TENM4: variants seen among roughly 807,000 people sequenced by gnomAD.
TENM4 encodes the protein teneurin-4.
A neutral mutation model predicts 243.3 loss-of-function variants in TENM4; 82 were observed. The ratio of observed to expected loss-of-function variants is 0.34; its 90% confidence interval spans 0.28 to 0.40. The LOEUF (loss-of-function observed/expected upper bound fraction) is 0.40. TENM4 is among the 10% of genes least tolerant of loss of function. The pLI, the probability that TENM4 is intolerant of heterozygous loss-of-function variation, is 1.00. For missense variants in TENM4, 3,138 were observed against 3,673.3 expected (o/e 0.85, Z 3.77); for synonymous variants, 1,412 against 1,456.3 (o/e 0.97, Z 0.69).
chr11:79,095,368 C>G (rs1011653457), intron 4 of TENM4, among the ~76,000 whole-genome samples: 4 of 152,192 alleles, frequency 2.6e-5, no homozygotes, highest in Admixed American at 2.6e-4. Context: ...GCACAGTACC[C>G]CACACTTAGC....
chr11:79,073,602 T>C (rs1202106633), intron 4 of TENM4, among the ~76,000 whole-genome samples: 2 of 152,180 alleles, frequency 1.3e-5, no homozygotes, highest in African/African-American at 4.8e-5. Flanking sequence ...ATTAGAGGCG[T>C]TGCTCACATG....
intron 6 of TENM4, among the ~76,000 whole-genome samples, chr11:79,023,150 C>A (rs1347418955): frequency 6.6e-6 from 1 of 152,168 alleles, no homozygotes; most frequent in Non-Finnish European, 1.5e-5. Context: ...TGAATGTTTA[C>A]TTGGTCTCAG....
At chr11:79,287,179 G>C (rs1454282510) in intron 2 of TENM4, among the ~76,000 whole-genome samples, 6 of 152,350 alleles carry the variant, frequency 3.9e-5, no homozygotes, top group African/African-American at 1.2e-4. Context: ...AAGTCTTGGA[G>C]GGATCATGAG....
chr11:79,061,126 G>A (rs1173508725), intron 6 of TENM4, among the ~76,000 whole-genome samples: 1 of 152,204 alleles, frequency 6.6e-6, no homozygotes, highest in African/African-American at 2.4e-5. Context: ...TAATCTCTCT[G>A]TGCCTCAGTT....
intron 6 of TENM4, among the ~76,000 whole-genome samples, chr11:78,917,666 T>C (rs1565125033): frequency 6.6e-6 from 1 of 152,206 alleles, no homozygotes; most frequent in Non-Finnish European, 1.5e-5. Context: ...ATACCAATGA[T>C]GGCCTCAAAA....
intron 3 of TENM4, among the ~76,000 whole-genome samples, chr11:79,176,504 T>C (rs1291332216): frequency 6.6e-6 from 1 of 152,208 alleles, no homozygotes; most frequent in Non-Finnish European, 1.5e-5. Context: ...CACCATCTTC[T>C]GAGAGAAACT....
At position 79,008,931 on chromosome 11, in the gene TENM4, T is replaced by C. The variant is rs115721243; in HGVS notation, c.493+55807A>G. On this transcript the variant is annotated intron_variant, in intron 6 of 33. Transcript: ENST00000278550. ...CCCTTGCCAACACTGAAATCTTTAA[T>C]ATAAACATATCTTCTATGTAATTTG... Among the ~76,000 whole-genome samples, 970 of 152,342 alleles carry C rather than the reference T, an allele frequency of 6.4e-3. 10 individuals are homozygous for C. The highest frequency in any genetic ancestry group is 0.021 in the African/African-American group (890 of 41,586).
At chr11:78,852,746 A>AT (rs1195549279) in intron 12 of TENM4, among the ~76,000 whole-genome samples, 3 of 152,046 alleles carry the variant, frequency 2.0e-5, no homozygotes, top group Admixed American at 6.5e-5. Flanking sequence ...AGATTCAGAG[A>AT]TTTTTTGGGG....
chr11:79,276,110 C>A (rs1856050620), intron 2 of TENM4, among the ~76,000 whole-genome samples: 1 of 152,190 alleles, frequency 6.6e-6, no homozygotes, highest in Non-Finnish European at 1.5e-5. Flanking sequence ...AAAATCAAGA[C>A]CTGGTATGGG....
chr11:79,020,501 C>G (rs985176262), intron 6 of TENM4, among the ~76,000 whole-genome samples: 3 of 152,164 alleles, frequency 2.0e-5, no homozygotes, highest in Non-Finnish European at 2.9e-5. Context: ...TATGACCCAA[C>G]AAACTGATTA....
intron 2 of TENM4, among the ~76,000 whole-genome samples, chr11:79,258,567 C>A (rs1212568171): frequency 1.3e-5 from 2 of 152,188 alleles, no homozygotes; most frequent in African/African-American, 4.8e-5. Flanking sequence ...ACACCAGTTT[C>A]CAAATGTGAG....
intron 6 of TENM4, among the ~76,000 whole-genome samples, chr11:78,965,330 G>C (rs1334246746): frequency 6.6e-6 from 1 of 151,868 alleles, no homozygotes; most frequent in African/African-American, 2.4e-5. Flanking sequence ...CCACATTCAT[G>C]ACTCCCCCTA....
At chr11:78,918,387 A>G (rs1468593933) in intron 6 of TENM4, among the ~76,000 whole-genome samples, 2 of 152,040 alleles carry the variant, frequency 1.3e-5, no homozygotes, top group East Asian at 3.9e-4. Context: ...TTATTCCCCA[A>G]GTTAATTCTT....
intron 2 of TENM4, among the ~76,000 whole-genome samples, chr11:79,221,495 G>A (rs535073554): frequency 1.1e-4 from 17 of 151,608 alleles, no homozygotes; most frequent in Non-Finnish European, 1.2e-4. Context: ...CAAACTCACC[G>A]AGAAACTTCA....
chr11:78,794,784 A>T (rs965747489), intron 15 of TENM4, among the ~76,000 whole-genome samples: 1 of 152,184 alleles, frequency 6.6e-6, no homozygotes, highest in African/African-American at 2.4e-5. Context: ...TGGCCAGGAC[A>T]TTTCCTTTAG....
intron 28 of TENM4, among the ~76,000 whole-genome samples, chr11:78,695,122 C>T (rs1277029411): frequency 6.7e-6 from 1 of 148,850 alleles, no homozygotes; most frequent in Non-Finnish European, 1.5e-5. Flanking sequence ...TTATCGATCA[C>T]TGCACCCTTG....
chr11:79,352,408 A>T (rs1020159943), intron 1 of TENM4, among the ~76,000 whole-genome samples: 1 of 151,896 alleles, frequency 6.6e-6, no homozygotes, highest in African/African-American at 2.4e-5. Context: ...GCCAAGAGTG[A>T]CCTCCCCTCT....
At chr11:79,077,680 C>T (rs1264376170) in intron 4 of TENM4, among the ~76,000 whole-genome samples, 1 of 152,044 alleles carries the variant, frequency 6.6e-6, no homozygotes, top group East Asian at 1.9e-4. Flanking sequence ...AGACAAAGGC[C>T]CAGTTATATT....
At chr11:78,700,627 A>G (rs1357445513) in intron 28 of TENM4, among the ~76,000 whole-genome samples, 3 of 152,154 alleles carry the variant, frequency 2.0e-5, no homozygotes, top group Admixed American at 6.5e-5. Flanking sequence ...CACCCCAGAT[A>G]TATATATTTA....
Sources: allele counts gnomAD v4.1 joint callset (sites outside exome capture counted in the v4.1 genomes callset), GRCh38; gene constraint gnomAD v4.1.1; transcripts MANE v1.5; gene names NCBI Gene and HGNC (gene_info 2026-07-23, HGNC 2026-07-21).